ERCC2: variants seen among roughly 807,000 people sequenced by gnomAD.
The protein encoded by ERCC2 is general transcription and DNA repair factor IIH helicase subunit XPD.
Under a neutral mutation model 99.4 loss-of-function variants are expected in ERCC2, and 90 were observed. The observed-to-expected ratio is 0.91, with a 90% CI of 0.76 to 1.08. The LOEUF (loss-of-function observed/expected upper bound fraction) is 1.08, where lower values mean the gene tolerates loss of function less well. Ranked by LOEUF, ERCC2 falls within the 50% of genes least tolerant of loss-of-function variation. The probability of loss-of-function intolerance (pLI) is 0.00; values close to 1 mark genes in which losing one functional copy is unlikely to be tolerated. For synonymous variants in ERCC2, 497 were observed against 432.4 expected (o/e 1.15, Z -1.85); for missense variants, 993 against 1,038.1 (o/e 0.96, Z 0.60).
rs892115162 is a variant in ERCC2, at chr19:45,361,553, A to G, written c.1208T>C (p.Phe403Ser). The G allele has an allele frequency of 3.1e-6, 5 of 1,613,848 alleles. No homozygotes were observed. The highest frequency in any genetic ancestry group is 4.2e-6 in the Non-Finnish European group (5 of 1,179,808). Residue 403 changes from phenylalanine (F) to serine (S), a missense_variant, in exon 12 of 23, where the codon TTT becomes TCT. Phe to Ser is a radical substitution (Grantham distance 155). Around this residue, in one of 3 missense-constraint regions of ERCC2, gnomAD observed 909 missense variants for 930.8 expected, o/e 0.98. Coordinates refer to ENST00000391945, the MANE Select transcript of ERCC2 (RefSeq NM_000400.4). ...DFSPLTLLANFATLVSTYAKG... is the reference protein window; with the variant it reads ...DFSPLTLLANSATLVSTYAKG... ...GGCGTAGGTGCTGACAAGGGTGGCAAAGTTAGCAAGGAGGGTGAGCGGGGA... is the reference window on the plus strand; with the variant it reads ...GGCGTAGGTGCTGACAAGGGTGGCAGAGTTAGCAAGGAGGGTGAGCGGGGA...
Position 45,355,693 on chromosome 19 carries a change from G to A in ERCC2, c.1515C>T (p.Ser505=). The part of the protein sequence containing the change: ...IGRGNDQVAI[S]SKFETREDIA... ...TATCCTCCCGGGTCTCAAATTTGGA[G>A]CTGATGGCCACCTGGTCATTGCCAC... is the stretch of plus-strand genomic sequence containing the variant. Residue 505 remains serine, a synonymous_variant, in exon 16 of 23, where the codon AGC becomes AGT. Transcript: ENST00000391945. The A allele has an allele frequency of 1.2e-6, 2 of 1,614,226 alleles. No homozygotes were observed. The highest frequency in any genetic ancestry group is 1.7e-6 in the Non-Finnish European group (2 of 1,180,042).
chr19:45,357,832 A>G, intron 12 of ERCC2, 133 bp from the exon 13 acceptor site: 1 of 806,992 alleles, frequency 1.2e-6, no homozygotes, highest in Non-Finnish European at 2.1e-6. Flanking sequence ...AAATGCGACC[A>G]AACATGACTG....
intron 15 of ERCC2, among the ~76,000 whole-genome samples, chr19:45,356,481 T>C (rs532374529): frequency 2.0e-5 from 3 of 152,292 alleles, no homozygotes; most frequent in South Asian, 4.1e-4. Context: ...CCACACAGCA[T>C]AGGCCTTGTC....
chr19:45,353,200 C>T (rs758255239), intron 18 of ERCC2, 42 bp downstream of exon 18: 9 of 1,611,376 alleles, frequency 5.6e-6, no homozygotes, highest in Non-Finnish European at 7.6e-6. Context: ...CTCCTCAGAG[C>T]CACCTCCCCG....
chr19:45,354,667 A>G (rs1158957822), intron 17 of ERCC2, 63 bp downstream of exon 17: 1 of 1,603,088 alleles, frequency 6.2e-7, no homozygotes, highest in Non-Finnish European at 8.5e-7. Flanking sequence ...AATGAAGCTG[A>G]CATAGCGGTG....
chr19:45,359,523 C>T (rs560862977), intron 12 of ERCC2, among the ~76,000 whole-genome samples: 16 of 152,290 alleles, frequency 1.1e-4, no homozygotes, highest in African/African-American at 3.1e-4. Context: ...GAGGGAACAC[C>T]GGCCCATAAA....
chr19:45,356,929 A>C (rs1378443304), intron 15 of ERCC2, among the ~76,000 whole-genome samples: 2 of 152,204 alleles, frequency 1.3e-5, no homozygotes, highest in Admixed American at 6.5e-5. Context: ...CCTGGGTCAC[A>C]GCCAGACCAC....
At position 45,357,613 on chromosome 19, in the gene ERCC2, A is replaced by G; in HGVS notation, c.1307+17T>C. ...CGACCCACAGAGCATTCACACCCTC[A>G]CCGGGCAGGGTCCCACCTGAAGTGC... On this transcript the variant is annotated intron_variant, in intron 13 of 22. Transcript: ENST00000391945. 2 of 1,614,036 alleles carry G rather than the reference A, an allele frequency of 1.2e-6. No homozygotes were observed. Among genetic ancestry groups the G allele is most frequent in the Non-Finnish European group, 1.7e-6 (2 of 1,179,940 alleles).
intron 12 of ERCC2, among the ~76,000 whole-genome samples, chr19:45,360,084 TC>T (rs1439732386): frequency 2.3e-5 from 3 of 128,912 alleles, no homozygotes; most frequent in African/African-American, 7.7e-5. Flanking sequence ...CTATTTTTTT[TC>T]TTTTTTTTTT....
chr19:45,350,115 G>A lies in ERCC2; in HGVS notation c.*1514C>T. 5.4e-6 allele frequency: 3 copies of A among 558,920 alleles called. No homozygotes were observed. In the South Asian group the frequency reaches 6.4e-5, roughly 12 times the overall value. 34.6% of individuals were successfully genotyped at this position (558,920 alleles called of 1,614,324 possible). A position where few individuals can be genotyped will look rare whatever the true frequency, so the allele number is the denominator to read the frequency against. ...AGGCTTTAGGCAGGGGAAGGATACGGCCAGGTCAGCACATTAGAAAGTGGG... is the reference window on the plus strand; with the variant it reads ...AGGCTTTAGGCAGGGGAAGGATACGACCAGGTCAGCACATTAGAAAGTGGG... On this transcript the variant is annotated 3_prime_UTR_variant, in exon 23 of 23. Coordinates refer to ENST00000391945, the MANE Select transcript of ERCC2 (RefSeq NM_000400.4).
intron 20 of ERCC2, 36 bp from the exon 21 acceptor site, chr19:45,352,685 G>C: frequency 1.9e-6 from 3 of 1,613,984 alleles, no homozygotes; most frequent in African/African-American, 2.7e-5. Context: ...GGGGAGGTGG[G>C]GGAGCCACTC....
rs373353596 is a variant in ERCC2 at position 45,350,650 on chromosome 19, C to T, written c.*979G>A. 25 of 1,613,282 alleles carry T rather than the reference C, an allele frequency of 1.5e-5. No individual in the cohort carries two copies. The highest frequency in any genetic ancestry group is 1.6e-4 in the Middle Eastern group (1 of 6,068). Reference sequence around the variant, plus strand: ...CCCGGCCCCTCCCCAGGCCCTTCGCCGCAGCAGCTCACTCTCCAAGATCCG... The same window carrying T: ...CCCGGCCCCTCCCCAGGCCCTTCGCTGCAGCAGCTCACTCTCCAAGATCCG... On this transcript the variant is annotated 3_prime_UTR_variant, in exon 23 of 23. Transcript: ENST00000391945.
At chr19:45,356,293 T>C (rs1279333439) in intron 15 of ERCC2, among the ~76,000 whole-genome samples, 1 of 152,074 alleles carries the variant, frequency 6.6e-6, no homozygotes, top group East Asian at 1.9e-4. Flanking sequence ...AGCCAAAAGC[T>C]CTGAACACAT....
Position 45,351,651 on chromosome 19 carries a change from T to C in ERCC2, c.2261A>G (p.Glu754Gly), listed in dbSNP as rs377739017. The stretch of plus-strand genomic sequence containing the variant: ...CACTCAGAGCTGCTGAGCAATCTGC[T>C]CTATCCTCTTCAGCGTCTCCTCTGA... Reference protein sequence around the residue: ...LESEETLKRIEQIAQQL With the variant: ...LESEETLKRIGQIAQQL The change falls in exon 23 of 23, where the codon GAG becomes GGG. Residue 754 changes from glutamate (E) to glycine (G), a missense_variant. Transcript: ENST00000391945. 2 of 1,613,922 alleles carry C rather than the reference T, an allele frequency of 1.2e-6. No homozygotes were observed. Among genetic ancestry groups the C allele is most frequent in the Non-Finnish European group, 1.7e-6 (2 of 1,180,008 alleles).
In ERCC2 at chr19:45,364,552, G is replaced by T. The variant is rs955780040; in HGVS notation, c.595-5C>A. 4 of 1,612,476 alleles carry T rather than the reference G, an allele frequency of 2.5e-6. No homozygotes were observed. Among genetic ancestry groups the T allele is most frequent in the Non-Finnish European group, 3.4e-6 (4 of 1,179,996 alleles). On this transcript the variant is annotated splice_polypyrimidine_tract_variant and splice_region_variant and intron_variant, in intron 7 of 22. Transcript: ENST00000391945. The stretch of plus-strand genomic sequence containing the variant: ...CACCACATTGGCATGCAGGATCTGG[G>T]GGGCCGGGGAGCAGGGTTACCAGGG...
intron 11 of ERCC2, 45 bp downstream of exon 11, chr19:45,363,698 C>T (rs895615160): frequency 2.3e-5 from 35 of 1,514,768 alleles, no homozygotes; most frequent in Non-Finnish European, 2.9e-5. Flanking sequence ...TCTGCATAAC[C>T]GGGACCTGCC....
intron 15 of ERCC2, 29 bp downstream of exon 15, chr19:45,357,241 C>A (rs752544600): frequency 1.3e-6 from 2 of 1,559,772 alleles, no homozygotes; most frequent in East Asian, 2.3e-5. Flanking sequence ...TCTCCCCTCC[C>A]GGCCCCAGCC....
rs375284572 is a variant in ERCC2, at chr19:45,355,729, C to G, written c.1480-1G>C. 7.0e-5 allele frequency: 113 copies of G among 1,613,788 alleles called. No individual in the cohort carries two copies. The highest frequency in any genetic ancestry group is 9.1e-5 in the Non-Finnish European group (107 of 1,179,944). On this transcript the variant is annotated splice_acceptor_variant, in intron 15 of 22. Coordinates refer to ENST00000391945, the MANE Select transcript of ERCC2 (RefSeq NM_000400.4). LOFTEE classifies it high-confidence loss of function. ...CCTGGTCATTGCCACGGCCGATGATCTGGAGAGCAACAGAGGTCACGATAA... is the reference window on the plus strand; with the variant it reads ...CCTGGTCATTGCCACGGCCGATGATGTGGAGAGCAACAGAGGTCACGATAA...
In ERCC2 at chr19:45,364,534, T is replaced by A. The variant is rs771182769; in HGVS notation, c.608A>T (p.Asn203Ile). The change falls in exon 8 of 23, where the codon AAT becomes ATT. Residue 203 changes from asparagine to isoleucine, a missense_variant. By Grantham distance (149) the Asn-to-Ile change is moderately radical. This residue lies in a region of ERCC2 where 909 missense variants were observed against 930.8 expected (regional missense o/e 0.98). Transcript: ENST00000391945. Reference protein sequence around the residue: ...FLARYSILHANVVVYSYHYLL... With the variant: ...FLARYSILHAIVVVYSYHYLL... Reference sequence around the variant, plus strand: ...GTAGTGGTAGCTATAAACCACCACATTGGCATGCAGGATCTGGGGGGCCGG... The same window carrying A: ...GTAGTGGTAGCTATAAACCACCACAATGGCATGCAGGATCTGGGGGGCCGG... 1 of 1,613,340 alleles carries A rather than the reference T, an allele frequency of 6.2e-7. No individual in the cohort carries two copies. Among genetic ancestry groups the A allele is most frequent in the East Asian group, 2.2e-5 (1 of 44,846 alleles).
Sources: allele counts gnomAD v4.1 joint callset (sites outside exome capture counted in the v4.1 genomes callset), GRCh38; gene constraint gnomAD v4.1.1; regional missense constraint gnomAD v4.1.1; transcripts MANE v1.5; gene names NCBI Gene and HGNC (gene_info 2026-07-23, HGNC 2026-07-21).